STON2: variants seen among roughly 807,000 people sequenced by gnomAD.
STON2 encodes stonin-2.
STON2 carries 29 observed loss-of-function variants against 65.7 expected under a neutral mutation model. That is an observed-to-expected ratio of 0.44 (90% CI 0.33 to 0.60). STON2 has a LOEUF of 0.60. Ranked by LOEUF, STON2 falls within the 20% of genes least tolerant of loss-of-function variation. The pLI, the probability that STON2 is intolerant of heterozygous loss-of-function variation, is 0.03. For synonymous variants in STON2, 404 were observed against 414.2 expected, an observed-to-expected ratio of 0.98 and a Z score of 0.30; for missense variants, 1,054 against 1,118.1, an observed-to-expected ratio of 0.94 and a Z score of 0.82.
intron 5 of STON2, among the ~76,000 whole-genome samples, chr14:81,292,954 A>G (rs1246110475): frequency 6.6e-6 from 1 of 152,228 alleles, no homozygotes; most frequent in African/African-American, 2.4e-5. Context: ...GATCTGGGTT[A>G]CAACTTCACA....
chr14:81,275,830 A>AT (rs1894794166), intron 6 of STON2, among the ~76,000 whole-genome samples: 1 of 152,180 alleles, frequency 6.6e-6, no homozygotes. Flanking sequence ...TTAGGATATA[A>AT]TAATACAGAC....
At chr14:81,316,464 T>C (rs1896625033) in intron 5 of STON2, among the ~76,000 whole-genome samples, 1 of 152,174 alleles carries the variant, frequency 6.6e-6, no homozygotes, top group African/African-American at 2.4e-5. Flanking sequence ...CGGGGTTTCT[T>C]AGGAAGATCA....
upstream of STON2, among the ~76,000 whole-genome samples, chr14:81,402,935 C>A (rs996430925): frequency 6.6e-6 from 1 of 152,194 alleles, no homozygotes; most frequent in Non-Finnish European, 1.5e-5. Flanking sequence ...GAGAAATGAA[C>A]AAAGGATTCC....
intron 3 of STON2, among the ~76,000 whole-genome samples, chr14:81,376,414 T>C (rs115966682): frequency 1.3e-5 from 2 of 152,078 alleles, no homozygotes; most frequent in African/African-American, 2.4e-5. Context: ...TTTTCAAAAC[T>C]GATTCAAGAA....
At chr14:81,361,783 A>G (rs1419667153) in intron 4 of STON2, among the ~76,000 whole-genome samples, 2 of 152,116 alleles carry the variant, frequency 1.3e-5, no homozygotes, top group African/African-American at 4.8e-5. Context: ...ACAAAACTCA[A>G]ACAACTCTAT....
rs772291274 is a variant in STON2 at position 81,371,152 on chromosome 14, G to T, written c.407C>A (p.Pro136His). Residue 136 changes from proline (P) to histidine (H), a missense_variant, in exon 4 of 8, where the codon CCT becomes CAT. Coordinates refer to ENST00000614646, the MANE Select transcript of STON2 (RefSeq NM_001394390.1). ...LPLTMPCWTC[P>H]SFDSLGRCPL... Reference sequence around the variant, plus strand: ...GCATCTCCCCAGGGAGTCAAAGGAAGGGCATGTCCAGCAGGGCATGGTCAA... The same window carrying T: ...GCATCTCCCCAGGGAGTCAAAGGAATGGCATGTCCAGCAGGGCATGGTCAA... 3.1e-6 allele frequency: 5 copies of T among 1,614,144 alleles called. No homozygotes were observed. Among genetic ancestry groups the T allele is most frequent in the Non-Finnish European group, 4.2e-6 (5 of 1,180,022 alleles).
At chr14:81,299,959 T>C (rs1484682041) in intron 5 of STON2, among the ~76,000 whole-genome samples, 1 of 152,080 alleles carries the variant, frequency 6.6e-6, no homozygotes, top group Non-Finnish European at 1.5e-5. Context: ...AAAAATTTTT[T>C]TGATAGTTGG....
intron 3 of STON2, among the ~76,000 whole-genome samples, chr14:81,378,506 G>C (rs1899359274): frequency 6.6e-6 from 1 of 152,218 alleles, no homozygotes; most frequent in South Asian, 2.1e-4. Flanking sequence ...ATGAGCCACT[G>C]TGCCTGGCCT....
intron 5 of STON2, among the ~76,000 whole-genome samples, chr14:81,311,651 A>G (rs1248861922): frequency 6.6e-6 from 1 of 152,220 alleles, no homozygotes; most frequent in African/African-American, 2.4e-5. Flanking sequence ...GAAGTGGCAG[A>G]GCTGAGATTT....
chr14:81,279,615 C>G (rs1200114829), intron 5 of STON2, among the ~76,000 whole-genome samples: 2 of 151,880 alleles, frequency 1.3e-5, no homozygotes, highest in East Asian at 3.9e-4. Flanking sequence ...CACTTGAACC[C>G]AGGAGGCAGA....
chr14:81,286,992 T>C (rs1456693450), intron 5 of STON2, among the ~76,000 whole-genome samples: 2 of 152,216 alleles, frequency 1.3e-5, no homozygotes, highest in African/African-American at 4.8e-5. Context: ...AGAGTTATCT[T>C]GACACAACTT....
intron 2 of STON2, among the ~76,000 whole-genome samples, chr14:81,416,015 G>A (rs987333745): frequency 4.6e-5 from 7 of 152,132 alleles, no homozygotes; most frequent in Non-Finnish European, 1.0e-4. Flanking sequence ...TCCTGGAAGA[G>A]GCTGTATCTA....
chr14:81,280,777 G>A (rs1023909779), intron 5 of STON2, among the ~76,000 whole-genome samples: 10 of 152,260 alleles, frequency 6.6e-5, no homozygotes, highest in Middle Eastern at 3.4e-3. Context: ...TTGGGAGGCC[G>A]GGACGGGCAG....
intron 4 of STON2, among the ~76,000 whole-genome samples, chr14:81,368,410 T>C (rs1342129361): frequency 6.6e-6 from 1 of 152,160 alleles, no homozygotes; most frequent in African/African-American, 2.4e-5. Flanking sequence ...GCTATAACTA[T>C]TACTACTGTA....
chr14:81,279,134 C>T lies in STON2; in HGVS notation c.743-395G>A, dbSNP rs752569370. Reference sequence around the variant, plus strand: ...TCTCCTATATAAAATGATATAAGCTCATCTCACTGAAAAAAACCAAGTTAT... The same window carrying T: ...TCTCCTATATAAAATGATATAAGCTTATCTCACTGAAAAAAACCAAGTTAT... On this transcript the variant is annotated intron_variant, in intron 5 of 7. Transcript: ENST00000614646. Among the ~76,000 whole-genome samples, 5 of 152,084 alleles carry T rather than the reference C, an allele frequency of 3.3e-5. No individual in the cohort carries two copies. In the East Asian group the frequency reaches 5.8e-4, roughly 18 times the overall value.
intron 1 of STON2, 49 bp from the exon 2 acceptor site, chr14:81,398,629 T>C: frequency 2.4e-6 from 1 of 410,232 alleles, no homozygotes; most frequent in South Asian, 5.0e-5. Context: ...AACCATCACA[T>C]TACACTGAAT....
chr14:81,299,781 T>G (rs181304393), intron 5 of STON2, among the ~76,000 whole-genome samples: 1 of 152,268 alleles, frequency 6.6e-6, no homozygotes, highest in African/African-American at 2.4e-5. Flanking sequence ...AAAAGATGTG[T>G]AAGGCCTCTT....
chr14:81,285,340 C>T (rs1895292164), intron 5 of STON2, among the ~76,000 whole-genome samples: 1 of 152,146 alleles, frequency 6.6e-6, no homozygotes, highest in Non-Finnish European at 1.5e-5. Context: ...AAAGTTGATT[C>T]CAAGCCTTGT....
At chr14:81,283,529 C>A (rs1421645306) in intron 5 of STON2, among the ~76,000 whole-genome samples, 1 of 95,412 alleles carries the variant, frequency 1.0e-5, no homozygotes, top group Non-Finnish European at 2.3e-5. Context: ...ACAGATACTG[C>A]ATTTTTTTTT....
Sources: allele counts gnomAD v4.1 joint callset (sites outside exome capture counted in the v4.1 genomes callset), GRCh38; gene constraint gnomAD v4.1.1; transcripts MANE v1.5; gene names NCBI Gene and HGNC (gene_info 2026-07-23, HGNC 2026-07-21).